ANKMY2: variants seen among roughly 807,000 people sequenced by gnomAD.
The protein encoded by ANKMY2 is ankyrin repeat and MYND domain containing 2.
ANKMY2 carries 36 observed loss-of-function variants against 50.4 expected under a neutral mutation model. The observed-to-expected ratio is 0.71, with a 90% CI of 0.55 to 0.94. ANKMY2 has a LOEUF of 0.94. ANKMY2 is among the 40% of genes least tolerant of loss of function. The pLI is 0.00. For missense variants in ANKMY2, 565 were observed against 524.0 expected, an observed-to-expected ratio of 1.08 and a Z score of -0.76; for synonymous variants, 187 against 178.8, an observed-to-expected ratio of 1.05 and a Z score of -0.36.
intron 1 of ANKMY2, among the ~76,000 whole-genome samples, chr7:16,637,748 C>A (rs909474197): frequency 1.3e-5 from 2 of 152,198 alleles, no homozygotes; most frequent in East Asian, 3.8e-4. Context: ...AGAACAAAAA[C>A]CCCGCACCCC....
chr7:16,611,768 C>G (rs1242771991), intron 5 of ANKMY2, among the ~76,000 whole-genome samples: 1 of 152,144 alleles, frequency 6.6e-6, no homozygotes, highest in Non-Finnish European at 1.5e-5. Context: ...ATACACCTAC[C>G]CTTTCCTAAC....
intron 7 of ANKMY2, among the ~76,000 whole-genome samples, chr7:16,607,580 A>AAAT (rs1345740191): frequency 2.6e-5 from 4 of 151,922 alleles, no homozygotes; most frequent in African/African-American, 9.7e-5. Context: ...AAATAAATAA[A>AAAT]AATAATAATA....
In ANKMY2 at chr7:16,623,418, G is replaced by A. The variant is rs987271942; in HGVS notation, c.370+1565C>T. ...AAAAAGAAAGGAGCATTGTGTTAAT[G>A]CCTGAAAGAAGAGACTCCTCCATTT... On this transcript the variant is annotated intron_variant, in intron 4 of 9. Coordinates refer to ENST00000306999, the MANE Select transcript of ANKMY2 (RefSeq NM_020319.3). Among the ~76,000 whole-genome samples, 28 of 152,146 alleles carry A rather than the reference G, an allele frequency of 1.8e-4. 1 individual carries two copies. Among genetic ancestry groups the A allele is most frequent in the Non-Finnish European group, 7.4e-5 (5 of 68,020 alleles).
chr7:16,604,561 T>C (rs1395848622), intron 8 of ANKMY2, among the ~76,000 whole-genome samples, 160 bp downstream of exon 8: 2 of 152,260 alleles, frequency 1.3e-5, no homozygotes, highest in Non-Finnish European at 2.9e-5. Context: ...ATCCTATTAA[T>C]TCTTTTCCAA....
chr7:16,636,420 T>C lies in ANKMY2; in HGVS notation c.103A>G (p.Lys35Glu). 6.2e-7 allele frequency: 1 copy of C among 1,603,236 alleles called. No homozygotes were observed. The highest frequency in any genetic ancestry group is 8.5e-7 in the Non-Finnish European group (1 of 1,174,882). Residue 35 changes from lysine to glutamate, a missense_variant, in exon 2 of 10, where the codon AAG becomes GAG. Physicochemically the swap from Lys to Glu is moderately conservative, Grantham distance 56 (BLOSUM62 1). Coordinates refer to ENST00000306999, the MANE Select transcript of ANKMY2 (RefSeq NM_020319.3). ...VQEAGTLLSS[K>E]NVRVNCLDEN... ...TCCAAACAGTTGACACGAACATTCT[T>C]GCTGGATAATAATGTTCCAGCTTCT...
At chr7:16,607,338 G>A (rs942593107) in intron 7 of ANKMY2, among the ~76,000 whole-genome samples, 5 of 152,128 alleles carry the variant, frequency 3.3e-5, no homozygotes, top group African/African-American at 1.2e-4. Flanking sequence ...GGCCAAGGCG[G>A]GCAGATCACT....
chr7:16,618,077 GCCA>G lies in ANKMY2; in HGVS notation c.371-2176_371-2174del, dbSNP rs1233940337. On this transcript the variant is annotated intron_variant, in intron 4 of 9. Coordinates refer to ENST00000306999, the MANE Select transcript of ANKMY2 (RefSeq NM_020319.3). The stretch of plus-strand genomic sequence containing the variant: ...CAAGTAGCTGAGACTACAGGTGTGT[GCCA>G]CCACACCTGGCTAATCTATTTTGTA... 3.9e-5 allele frequency among the ~76,000 whole-genome samples: 6 copies of G among 152,014 alleles called. No homozygotes were observed. In the East Asian group the frequency reaches 1.2e-3, roughly 30 times the overall value.
chr7:16,619,462 C>T (rs1781403532), intron 4 of ANKMY2, among the ~76,000 whole-genome samples: 1 of 151,966 alleles, frequency 6.6e-6, no homozygotes, highest in African/African-American at 2.4e-5. Context: ...CCTAATTATA[C>T]CTTTTTAAAA....
At chr7:16,640,938 T>A (rs1426783298) in intron 1 of ANKMY2, among the ~76,000 whole-genome samples, 2 of 152,234 alleles carry the variant, frequency 1.3e-5, no homozygotes, top group East Asian at 3.8e-4. Context: ...TTATAGTGTT[T>A]ACGTATAAGT....
intron 9 of ANKMY2, 125 bp from the exon 10 acceptor site, chr7:16,601,070 C>T (rs1405888574): frequency 3.9e-5 from 25 of 648,150 alleles, no homozygotes; most frequent in Middle Eastern, 6.6e-4. Flanking sequence ...CTACTGTCAT[C>T]GCTAACGTTA....
intron 4 of ANKMY2, among the ~76,000 whole-genome samples, chr7:16,617,917 G>GTTTT (rs780533044): frequency 5.1e-4 from 57 of 110,876 alleles, no homozygotes; most frequent in African/African-American, 1.3e-3. Context: ...CAGTGAGCGT[G>GTTTT]TTTTTTTTTT....
chr7:16,605,832 G>A (rs538051809), intron 7 of ANKMY2, among the ~76,000 whole-genome samples: 10 of 151,880 alleles, frequency 6.6e-5, no homozygotes, highest in African/African-American at 1.9e-4. Context: ...ACAGGCACCC[G>A]CCACCACGCC....
chr7:16,608,374 C>T (rs1488822265), intron 7 of ANKMY2, among the ~76,000 whole-genome samples: 3 of 152,166 alleles, frequency 2.0e-5, no homozygotes, highest in Non-Finnish European at 2.9e-5. Context: ...GGGGAGCACA[C>T]ATGAACAAAT....
At chr7:16,608,521 T>G (rs1781195228) in intron 7 of ANKMY2, among the ~76,000 whole-genome samples, 1 of 151,950 alleles carries the variant, frequency 6.6e-6, no homozygotes, top group South Asian at 2.1e-4. Context: ...ACACTGAGAA[T>G]GACATAACAA....
intron 7 of ANKMY2, 115 bp from the exon 8 acceptor site, chr7:16,604,964 T>C (rs1781128442): frequency 9.6e-7 from 1 of 1,045,692 alleles, no homozygotes; most frequent in South Asian, 2.7e-5. Flanking sequence ...AAGGAAGAAA[T>C]CATTAAGGCT....
At chr7:16,631,746 C>G (rs1224246232) in intron 2 of ANKMY2, among the ~76,000 whole-genome samples, 1 of 151,910 alleles carries the variant, frequency 6.6e-6, no homozygotes, top group African/African-American at 2.4e-5. Context: ...TCCCAAGTAG[C>G]TAGAACTACA....
intron 2 of ANKMY2, among the ~76,000 whole-genome samples, chr7:16,630,230 AC>A (rs1781563863): frequency 6.6e-6 from 1 of 152,192 alleles, no homozygotes; most frequent in South Asian, 2.1e-4. Context: ...GATGCATCTC[AC>A]TTTTATATTT....
At chr7:16,615,597 C>A in intron 5 of ANKMY2, 147 bp downstream of exon 5, 1 of 953,318 alleles carries the variant, frequency 1.0e-6, no homozygotes, top group Non-Finnish European at 1.6e-6. Flanking sequence ...AGTGTTCCTT[C>A]AATAAATTAA....
At chr7:16,645,386 T>C in intron 1 of ANKMY2, 121 bp downstream of exon 1, 1 of 964,496 alleles carries the variant, frequency 1.0e-6, no homozygotes, top group South Asian at 1.8e-5. Context: ...CTTTCCCGGT[T>C]CCAGGCTGCA....
Sources: allele counts gnomAD v4.1 joint callset (sites outside exome capture counted in the v4.1 genomes callset), GRCh38; gene constraint gnomAD v4.1.1; transcripts MANE v1.5; gene names NCBI Gene and HGNC (gene_info 2026-07-23, HGNC 2026-07-21).